CSMD1: variants seen among roughly 807,000 people sequenced by gnomAD.
CSMD1 encodes the protein CUB and sushi domain-containing protein 1.
A neutral mutation model predicts 417.5 loss-of-function variants in CSMD1; 213 were observed. That is an observed-to-expected ratio of 0.51 (90% CI 0.46 to 0.57). CSMD1 has a LOEUF of 0.57. Among genes scored for constraint, CSMD1 ranks in the 20% least tolerant of loss-of-function variants. The pLI, the probability that CSMD1 is intolerant of heterozygous loss-of-function variation, is 0.00. For synonymous variants in CSMD1, 2,862 were observed against 1,736.8 expected (o/e 1.65, Z -16.11); for missense variants, 6,923 against 4,529.7 (o/e 1.53, Z -15.17).
chr8:3,904,721 C>A (rs764415692), intron 5 of CSMD1, among the ~76,000 whole-genome samples: 2 of 149,906 alleles, frequency 1.3e-5, no homozygotes, highest in Non-Finnish European at 2.9e-5. Context: ...ACAGCAACCT[C>A]GGCCTCCCGG....
At chr8:3,665,780 T>C (rs1004289114) in intron 7 of CSMD1, among the ~76,000 whole-genome samples, 1 of 152,218 alleles carries the variant, frequency 6.6e-6, no homozygotes, top group Non-Finnish European at 1.5e-5. Flanking sequence ...AGCTTGAAGC[T>C]GAGGCTATTT....
intron 4 of CSMD1, among the ~76,000 whole-genome samples, chr8:4,028,967 T>A (rs913086480): frequency 1.3e-5 from 2 of 152,188 alleles, no homozygotes; most frequent in Admixed American, 6.5e-5. Flanking sequence ...AATAGCAGTG[T>A]TGCAGGTAAA....
At chr8:3,311,598 A>T (rs151306184) in intron 23 of CSMD1, among the ~76,000 whole-genome samples, 1 of 152,356 alleles carries the variant, frequency 6.6e-6, no homozygotes, top group Non-Finnish European at 1.5e-5. Context: ...GATTTGTGCT[A>T]GTATTGAATA....
intron 41 of CSMD1, among the ~76,000 whole-genome samples, chr8:3,140,867 C>G (rs1410556043): frequency 6.6e-6 from 1 of 152,132 alleles, no homozygotes; most frequent in Non-Finnish European, 1.5e-5. Flanking sequence ...TTTGATGATG[C>G]AAACTTTTCT....
At chr8:4,546,422 G>C (rs1425065438) in intron 2 of CSMD1, among the ~76,000 whole-genome samples, 1 of 152,124 alleles carries the variant, frequency 6.6e-6, no homozygotes, top group African/African-American at 2.4e-5. Context: ...GTTTGAATCG[G>C]CAGACTGAGT....
At chr8:4,038,466 C>A (rs1052360091) in intron 3 of CSMD1, among the ~76,000 whole-genome samples, 1 of 152,030 alleles carries the variant, frequency 6.6e-6, no homozygotes, top group African/African-American at 2.4e-5. Context: ...ATTTAGTGTT[C>A]GAGAAAAACT....
intron 2 of CSMD1, among the ~76,000 whole-genome samples, chr8:4,582,045 G>C (rs1009391916): frequency 2.6e-5 from 4 of 152,090 alleles, no homozygotes; most frequent in African/African-American, 9.6e-5. Flanking sequence ...GAGAGAAGCA[G>C]TCATGGGACA....
At chr8:3,810,889 C>G (rs944560253) in intron 5 of CSMD1, among the ~76,000 whole-genome samples, 6 of 152,178 alleles carry the variant, frequency 3.9e-5, no homozygotes, top group African/African-American at 1.4e-4. Flanking sequence ...GCATTTTCAC[C>G]CTGAGATGTT....
At chr8:4,434,362 TCTAA>T (rs1416395345) in intron 2 of CSMD1, among the ~76,000 whole-genome samples, 9 of 152,232 alleles carry the variant, frequency 5.9e-5, no homozygotes, top group East Asian at 1.9e-4. Context: ...TGAGACTGTC[TCTAA>T]CTAACTAACT....
intron 1 of CSMD1, among the ~76,000 whole-genome samples, chr8:4,647,061 C>G (rs1485169147): frequency 6.6e-6 from 1 of 152,078 alleles, no homozygotes; most frequent in African/African-American, 2.4e-5. Context: ...AAGATGGCAG[C>G]AAAGTCAGTT....
chr8:3,907,096 A>C (rs1326983857), intron 5 of CSMD1, among the ~76,000 whole-genome samples: 1 of 152,158 alleles, frequency 6.6e-6, no homozygotes, highest in African/African-American at 2.4e-5. Context: ...ATGACTCAAA[A>C]TCCCTTCTTC....
intron 3 of CSMD1, among the ~76,000 whole-genome samples, chr8:4,160,367 C>G (rs1198964452): frequency 2.6e-5 from 4 of 152,090 alleles, no homozygotes; most frequent in Non-Finnish European, 5.9e-5. Flanking sequence ...ATGAAGCCAA[C>G]TTTGGAAATT....
intron 2 of CSMD1, among the ~76,000 whole-genome samples, chr8:4,489,929 C>A (rs753228096): frequency 1.8e-4 from 27 of 152,086 alleles, no homozygotes; most frequent in Non-Finnish European, 2.1e-4. Flanking sequence ...CTGCTTTAAG[C>A]CACTATGTCT....
intron 1 of CSMD1, among the ~76,000 whole-genome samples, chr8:4,671,596 G>A (rs997932626): frequency 3.9e-5 from 6 of 152,148 alleles, no homozygotes; most frequent in African/African-American, 1.2e-4. Flanking sequence ...CTCAAACAAC[G>A]TTATCTTCAA....
chr8:3,301,932 C>G (rs765150767), intron 25 of CSMD1, among the ~76,000 whole-genome samples: 1 of 151,950 alleles, frequency 6.6e-6, no homozygotes, highest in Non-Finnish European at 1.5e-5. Context: ...TTTTCAGATT[C>G]TATGCACTTT....
Position 4,154,424 on chromosome 8 carries a change from C to A in CSMD1, c.416-122325G>T, listed in dbSNP as rs535982893. On this transcript the variant is annotated intron_variant, in intron 3 of 69. Transcript: ENST00000635120. ...TATAGACAAAGGCATTTAGCAGATGCCACTTTATTGCCTCAAAGAGCTGAA... is the reference window on the plus strand; with the variant it reads ...TATAGACAAAGGCATTTAGCAGATGACACTTTATTGCCTCAAAGAGCTGAA... Among the ~76,000 whole-genome samples the A allele has an allele frequency of 4.6e-5, 7 of 152,260 alleles. No individual in the cohort carries two copies. In the South Asian group the frequency reaches 1.5e-3, roughly 32 times the overall value.
Position 2,938,642 on chromosome 8 carries a change from T to G in CSMD1, c.10638A>C (p.Thr3546=). ...TGTCAAACCTCACAGCCTTGGCTTC[T>G]GTGGGTTTTAAGTTTGTATCATACA... ...NPMYDTNLKP[T]EAKAVRFDTT... is the part of the protein sequence containing the mutation. Residue 3546 remains threonine (T), a synonymous_variant, in exon 70 of 70, where the codon ACA becomes ACC. Transcript: ENST00000635120. 6.2e-7 allele frequency: 1 copy of G among 1,611,860 alleles called. No homozygotes were observed. Among genetic ancestry groups the G allele is most frequent in the South Asian group, 1.1e-5 (1 of 90,400 alleles).
chr8:3,402,813 G>C (rs1045423420), intron 15 of CSMD1, among the ~76,000 whole-genome samples: 1 of 151,582 alleles, frequency 6.6e-6, no homozygotes, highest in Non-Finnish European at 1.5e-5. Context: ...TTTATTAATA[G>C]GATCCTAATT....
At chr8:3,511,612 G>T (rs909524070) in intron 10 of CSMD1, among the ~76,000 whole-genome samples, 1 of 151,538 alleles carries the variant, frequency 6.6e-6, no homozygotes, top group East Asian at 1.9e-4. Flanking sequence ...AAAAAGATTA[G>T]CTGGGCATGG....
Sources: allele counts gnomAD v4.1 joint callset (sites outside exome capture counted in the v4.1 genomes callset), GRCh38; gene constraint gnomAD v4.1.1; transcripts MANE v1.5; gene names NCBI Gene and HGNC (gene_info 2026-07-23, HGNC 2026-07-21).